The following DERA variants were observed in gnomAD, a reference collection of about 807,000 sequenced individuals.
DERA encodes the protein 2-deoxy-D-ribose 5-phosphate aldolase.
Under a neutral mutation model 41.1 loss-of-function variants are expected in DERA, and 15 were observed. That is an observed-to-expected ratio of 0.37 (90% CI 0.24 to 0.56). The LOEUF is 0.56. Ranked by LOEUF, DERA falls within the 20% of genes least tolerant of loss-of-function variation. The pLI, the probability that DERA is intolerant of heterozygous loss-of-function variation, is 0.81. For missense variants in DERA, 396 were observed against 403.4 expected (o/e 0.98, Z 0.16); for synonymous variants, 139 against 137.4 (o/e 1.01, Z -0.08).
rs778938453 is a variant in DERA at position 16,036,369 on chromosome 12, C to T, written c.888C>T (p.Asp296=). The T allele has an allele frequency of 5.8e-5, 93 of 1,598,750 alleles. No homozygotes were observed. The Middle Eastern group carries it at 2.3e-3, about 40-fold the overall frequency. The change falls in exon 8 of 9, where the codon GAC becomes GAT. Residue 296 remains aspartate, a synonymous_variant. Coordinates refer to ENST00000428559, the MANE Select transcript of DERA (RefSeq NM_015954.4). This position sits in a 1 kb window ranked among gnomAD's most constrained non-coding sequence, Gnocchi z 4.9. ...FRIGASTLLS[D]IERQIYHHVT... Reference sequence around the variant, plus strand: ...TAGGTGCCAGTACTCTGCTCTCGGACATTGAGAGGCAGGTGAGTAATCATC... The same window carrying T: ...TAGGTGCCAGTACTCTGCTCTCGGATATTGAGAGGCAGGTGAGTAATCATC...
At chr12:15,919,214 T>A (rs1948223713) in intron 1 of DERA, among the ~76,000 whole-genome samples, 1 of 152,162 alleles carries the variant, frequency 6.6e-6, no homozygotes, top group African/African-American at 2.4e-5. Context: ...TGTTGTATAA[T>A]TAAATAATTA....
intron 7 of DERA, among the ~76,000 whole-genome samples, chr12:16,034,350 T>A (rs897463678): frequency 6.6e-6 from 1 of 152,206 alleles, no homozygotes; most frequent in African/African-American, 2.4e-5. Context: ...CAATGAAATT[T>A]TTAAGTGCTC....
intron 6 of DERA, among the ~76,000 whole-genome samples, chr12:16,007,032 G>T (rs940120648): frequency 6.6e-6 from 1 of 152,166 alleles, no homozygotes; most frequent in African/African-American, 2.4e-5. Flanking sequence ...CTCGCCGATA[G>T]TAAGTGCTAG....
In DERA at chr12:16,020,724, G is replaced by A. The variant is rs1219121771; in HGVS notation, c.638-11818G>A. ...ACAGAAATATAGACAATGAAGTCAA[G>A]GCTGAGGAGGTCTCAGATGGAAATG... is the stretch of plus-strand genomic sequence containing the variant. On this transcript the variant is annotated intron_variant, in intron 6 of 8. Transcript: ENST00000428559. The surrounding 1 kb of genome is among the most constrained non-coding windows in gnomAD (Gnocchi z 5.5). Among the ~76,000 whole-genome samples, 1 of 152,180 alleles carries A rather than the reference G, an allele frequency of 6.6e-6. No individual in the cohort carries two copies. The highest frequency in any genetic ancestry group is 1.5e-5 in the Non-Finnish European group (1 of 68,030).
intron 6 of DERA, among the ~76,000 whole-genome samples, chr12:16,029,841 T>C (rs957214980): frequency 2.0e-5 from 3 of 151,924 alleles, no homozygotes; most frequent in Non-Finnish European, 2.9e-5. Context: ...TTTGGTTCTT[T>C]TGATTAACTT....
chr12:15,936,865 C>G lies in DERA; in HGVS notation c.32-20071C>G, dbSNP rs566752717. Among the ~76,000 whole-genome samples the G allele has an allele frequency of 6.5e-4, 88 of 135,326 alleles. 7 individuals carry two copies. The highest frequency in any genetic ancestry group is 4.8e-3 in the Admixed American group (64 of 13,382). 88.8% of individuals were successfully genotyped at this position (135,326 alleles called of 152,430 possible). A position where few individuals can be genotyped will look rare whatever the true frequency, so the allele number is the denominator to read the frequency against. ...TCTGTCTTGTGTTGTCTTGTCTTGT[C>G]TTGTCTTGTCTTGTCTTGTCTTGTC... On this transcript the variant is annotated intron_variant, in intron 1 of 8. Transcript: ENST00000428559. The surrounding 1 kb of genome is among the most constrained non-coding windows in gnomAD (Gnocchi z 4.6).
chr12:16,005,375 C>T (rs1038459708), intron 6 of DERA, among the ~76,000 whole-genome samples: 3 of 152,126 alleles, frequency 2.0e-5, no homozygotes, highest in African/African-American at 7.2e-5. Context: ...GAGTCCAGGA[C>T]AGGAGTTCGA....
Position 15,982,477 on chromosome 12 carries a change from A to T in DERA, c.637+41A>T. 6.4e-7 allele frequency: 1 copy of T among 1,555,342 alleles called. No homozygotes were observed. Among genetic ancestry groups the T allele is most frequent in the Non-Finnish European group, 8.7e-7 (1 of 1,152,622 alleles). ...TCAAATAATGTTTTCTATTGAATTG[A>T]TGTTTTTAGGAGAAATTAAGTAAGT... On this transcript the variant is annotated intron_variant, in intron 6 of 8. Transcript: ENST00000428559. The surrounding 1 kb of genome is among the most constrained non-coding windows in gnomAD (Gnocchi z 4.0).
At chr12:16,022,678 C>T (rs543574891) in intron 6 of DERA, among the ~76,000 whole-genome samples, 3 of 152,284 alleles carry the variant, frequency 2.0e-5, no homozygotes, top group East Asian at 3.9e-4. Flanking sequence ...GACCTGAGGT[C>T]GCAAGGTAAA....
At chr12:15,977,861 G>C (rs192796292) in intron 5 of DERA, among the ~76,000 whole-genome samples, 90 of 152,326 alleles carry the variant, frequency 5.9e-4, no homozygotes, top group African/African-American at 2.1e-3. Flanking sequence ...TGAGGGAAGA[G>C]GCTTTGAAAA....
rs1948841383 is a variant in DERA, at chr12:15,996,822, ATT to A, written c.637+14390_637+14391del. 6.6e-6 allele frequency among the ~76,000 whole-genome samples: 1 copy of A among 152,158 alleles called. No homozygotes were observed. Among genetic ancestry groups the A allele is most frequent in the Non-Finnish European group, 1.5e-5 (1 of 68,026 alleles). On this transcript the variant is annotated intron_variant, in intron 6 of 8. Transcript: ENST00000428559. This position sits in a 1 kb window ranked among gnomAD's most constrained non-coding sequence, Gnocchi z 4.7. ...ACTTGAATTCAGGTACAAAAGATTGATTTTTCCCTCTCAGCAATGTTGAATGG... is the reference window on the plus strand; with the variant it reads ...ACTTGAATTCAGGTACAAAAGATTGATTTCCCTCTCAGCAATGTTGAATGG...
chr12:16,026,639 T>C lies in DERA; in HGVS notation c.638-5903T>C, dbSNP rs1949055311. The stretch of plus-strand genomic sequence containing the variant: ...CATATTTTAATTATATAAAATTATT[T>C]ATTTAAAAATTTAACAAATTACTAA... On this transcript the variant is annotated intron_variant, in intron 6 of 8. Transcript: ENST00000428559. The surrounding 1 kb of genome is among the most constrained non-coding windows in gnomAD (Gnocchi z 4.4). 6.6e-6 allele frequency among the ~76,000 whole-genome samples: 1 copy of C among 150,724 alleles called. No homozygotes were observed. Among genetic ancestry groups the C allele is most frequent in the Non-Finnish European group, 1.5e-5 (1 of 67,618 alleles).
At position 16,012,842 on chromosome 12, in the gene DERA, GTA is replaced by G. The variant is rs1360634795; in HGVS notation, c.638-19699_638-19698del. ...TAAATGAAGAGAAACAGGTGAAACA[GTA>G]ATTATATTTTATTTAATAAATCTGC... On this transcript the variant is annotated intron_variant, in intron 6 of 8. Coordinates refer to ENST00000428559, the MANE Select transcript of DERA (RefSeq NM_015954.4). This position sits in a 1 kb window ranked among gnomAD's most constrained non-coding sequence, Gnocchi z 4.1. Among the ~76,000 whole-genome samples the G allele has an allele frequency of 6.6e-6, 1 of 152,130 alleles. No homozygotes were observed. The highest frequency in any genetic ancestry group is 1.5e-5 in the Non-Finnish European group (1 of 68,026).
chr12:15,950,929 T>C (rs1340177878), intron 1 of DERA, among the ~76,000 whole-genome samples: 5 of 152,384 alleles, frequency 3.3e-5, no homozygotes, highest in Non-Finnish European at 5.9e-5. Context: ...ATTAGTTGAA[T>C]GAATGAATGG....
rs972886211 is a variant in DERA, at chr12:16,009,425, A to G, written c.638-23117A>G. 6.6e-6 allele frequency among the ~76,000 whole-genome samples: 1 copy of G among 152,166 alleles called. No homozygotes were observed. Among genetic ancestry groups the G allele is most frequent in the African/African-American group, 2.4e-5 (1 of 41,436 alleles). On this transcript the variant is annotated intron_variant, in intron 6 of 8. Coordinates refer to ENST00000428559, the MANE Select transcript of DERA (RefSeq NM_015954.4). This position sits in a 1 kb window ranked among gnomAD's most constrained non-coding sequence, Gnocchi z 5.3. Reference sequence around the variant, plus strand: ...AAATTTTTCATCATCTTTAGTTTCCATGTATTAAATACAAAAAATTGGGCC... The same window carrying G: ...AAATTTTTCATCATCTTTAGTTTCCGTGTATTAAATACAAAAAATTGGGCC...
At position 15,966,545 on chromosome 12, in the gene DERA, T is replaced by C. The variant is rs1948624444; in HGVS notation, c.508+3598T>C. On this transcript the variant is annotated intron_variant, in intron 5 of 8. Transcript: ENST00000428559. The surrounding 1 kb of genome is among the most constrained non-coding windows in gnomAD (Gnocchi z 5.1). Reference sequence around the variant, plus strand: ...TTCAAACTAATATACTAATGACCTGTCATCTCATTATGTCCAGGGCATACT... The same window carrying C: ...TTCAAACTAATATACTAATGACCTGCCATCTCATTATGTCCAGGGCATACT... 6.6e-6 allele frequency among the ~76,000 whole-genome samples: 1 copy of C among 152,158 alleles called. No homozygotes were observed. The highest frequency in any genetic ancestry group is 6.5e-5 in the Admixed American group (1 of 15,282).
At position 15,992,226 on chromosome 12, in the gene DERA, T is replaced by C. The variant is rs1230395724; in HGVS notation, c.637+9790T>C. ...GAATGAGTGAAAGAGAGAAAAAAGATAGAGATAAGGAAAAGTGAAAAGAAG... is the reference window on the plus strand; with the variant it reads ...GAATGAGTGAAAGAGAGAAAAAAGACAGAGATAAGGAAAAGTGAAAAGAAG... On this transcript the variant is annotated intron_variant, in intron 6 of 8. Coordinates refer to ENST00000428559, the MANE Select transcript of DERA (RefSeq NM_015954.4). The surrounding 1 kb of genome is among the most constrained non-coding windows in gnomAD (Gnocchi z 4.3). 6.6e-6 allele frequency among the ~76,000 whole-genome samples: 1 copy of C among 152,000 alleles called. No individual in the cohort carries two copies. The highest frequency in any genetic ancestry group is 2.4e-5 in the African/African-American group (1 of 41,400).
chr12:15,960,653 A>AAAC (rs1948580207), intron 4 of DERA, among the ~76,000 whole-genome samples: 1 of 150,706 alleles, frequency 6.6e-6, no homozygotes, highest in Admixed American at 6.6e-5. Context: ...AAAAAAAAAA[A>AAAC]AAAAAAAAAA....
rs1010148412 is a variant in DERA, at chr12:15,999,213, C to T, written c.637+16777C>T. ...AGTACCTGGGGATATTTCTTTCCCT[C>T]GAATGGGTTCATCCAAATATTTGAT... On this transcript the variant is annotated intron_variant, in intron 6 of 8. Transcript: ENST00000428559. This position sits in a 1 kb window ranked among gnomAD's most constrained non-coding sequence, Gnocchi z 5.3. Among the ~76,000 whole-genome samples the T allele has an allele frequency of 6.6e-6, 1 of 152,050 alleles. No individual in the cohort carries two copies. The highest frequency in any genetic ancestry group is 1.5e-5 in the Non-Finnish European group (1 of 68,008).
Sources: allele counts gnomAD v4.1 joint callset (sites outside exome capture counted in the v4.1 genomes callset), GRCh38; gene constraint gnomAD v4.1.1; non-coding constraint Gnocchi (gnomAD v3.1); transcripts MANE v1.5; gene names NCBI Gene and HGNC (gene_info 2026-07-23, HGNC 2026-07-21).